POLR3B: variants seen among roughly 807,000 people sequenced by gnomAD.
POLR3B encodes the protein RNA polymerase III subunit B.
Under a neutral mutation model 147.4 loss-of-function variants are expected in POLR3B, and 96 were observed. The ratio of observed to expected loss-of-function variants is 0.65; its 90% CI spans 0.55 to 0.77. The LOEUF is 0.77. POLR3B is among the 30% of genes least tolerant of loss of function. The pLI, the probability that POLR3B is intolerant of heterozygous loss-of-function variation, is 0.00. For synonymous variants in POLR3B, 461 were observed against 485.9 expected (o/e 0.95, Z 0.67); for missense variants, 1,036 against 1,413.5 (o/e 0.73, Z 4.28).
intron 27 of POLR3B, among the ~76,000 whole-genome samples, chr12:106,508,127 CAT>C (rs1346901865): frequency 6.6e-6 from 1 of 152,176 alleles, no homozygotes; most frequent in African/African-American, 2.4e-5. Context: ...ATACACCTTC[CAT>C]TTCAATAAAT....
chr12:106,395,717 G>T (rs754498383), intron 10 of POLR3B, among the ~76,000 whole-genome samples: 24 of 152,102 alleles, frequency 1.6e-4, no homozygotes, highest in Non-Finnish European at 7.4e-5. Context: ...GGTGGCTTAT[G>T]CCTGTAATCC....
intron 20 of POLR3B, 122 bp downstream of exon 20, chr12:106,454,833 A>G (rs752650563): frequency 1.4e-6 from 1 of 691,444 alleles, no homozygotes; most frequent in Non-Finnish European, 2.6e-6. Context: ...ATGATATAGA[A>G]ACAGGAGGTG....
chr12:106,433,305 G>A (rs1486465958), intron 15 of POLR3B, among the ~76,000 whole-genome samples: 1 of 152,190 alleles, frequency 6.6e-6, no homozygotes. Flanking sequence ...TTTCACAAAT[G>A]TTGATTACAA....
Position 106,495,839 on chromosome 12 carries a change from G to A in POLR3B, c.2714-216G>A, listed in dbSNP as rs550861757. The A allele has an allele frequency of 7.6e-6, 5 of 660,206 alleles. No individual in the cohort carries two copies. In the South Asian group the frequency reaches 8.5e-5, roughly 11 times the overall value. The allele number at this position is 660,206 out of a possible 1,614,324, so 40.9% of individuals were successfully genotyped here. A position where few individuals can be genotyped will look rare whatever the true frequency, so the allele number is the denominator to read the frequency against. ...CATTGTGTGCTATGCCGGCAGCACA[G>A]TCCACAGGCTGCAGTGCCTTTCGCA... On this transcript the variant is annotated intron_variant, in intron 23 of 27. Coordinates refer to ENST00000228347, the MANE Select transcript of POLR3B (RefSeq NM_018082.6).
At chr12:106,460,110 A>G (rs190591569) in intron 22 of POLR3B, among the ~76,000 whole-genome samples, 172 of 152,258 alleles carry the variant, frequency 1.1e-3, no homozygotes, top group Middle Eastern at 3.4e-3. Context: ...AATGTATTCA[A>G]TACACAGTAG....
intron 23 of POLR3B, among the ~76,000 whole-genome samples, chr12:106,485,038 G>A (rs989958503): frequency 6.6e-6 from 1 of 152,178 alleles, no homozygotes; most frequent in Non-Finnish European, 1.5e-5. Flanking sequence ...ACCGTTGGAT[G>A]GTGGGTGTCT....
Position 106,430,210 on chromosome 12 carries a change from G to A in POLR3B, c.1264-63G>A, listed in dbSNP as rs1374453379. The stretch of plus-strand genomic sequence containing the variant: ...CTGTAATGAACTTCTTGGAGTGACC[G>A]CACGGTATCAGACAACATAGGATTG... On this transcript the variant is annotated intron_variant, in intron 13 of 27. Transcript: ENST00000228347. 49 of 1,265,104 alleles carry A rather than the reference G, an allele frequency of 3.9e-5. No individual in the cohort carries two copies. In the East Asian group the frequency reaches 5.8e-4, roughly 15 times the overall value. The allele number at this position is 1,265,104 out of a possible 1,614,324, so 78.4% of individuals were successfully genotyped here.
In POLR3B at chr12:106,463,492, C is replaced by G; in HGVS notation, c.2585C>G (p.Thr862Arg). 1 of 1,613,468 alleles carries G rather than the reference C, an allele frequency of 6.2e-7. No individual in the cohort carries two copies. Among genetic ancestry groups the G allele is most frequent in the Non-Finnish European group, 8.5e-7 (1 of 1,179,520 alleles). Residue 862 changes from threonine to arginine, a missense_variant, in exon 23 of 28, where the codon ACA becomes AGA. Thr to Arg is a moderately conservative substitution (Grantham distance 71). This residue lies in a region of POLR3B where 202 missense variants were observed against 272.8 expected (regional missense o/e 0.74). Coordinates refer to ENST00000228347, the MANE Select transcript of POLR3B (RefSeq NM_018082.6). ...KDVPITYKGA[T>R]DSYIEKVMIS... ...CTTAACACCAGCTACAAAGGAGCAACAGACTCATATATTGAAAAAGTGATG... is the reference window on the plus strand; with the variant it reads ...CTTAACACCAGCTACAAAGGAGCAAGAGACTCATATATTGAAAAAGTGATG...
chr12:106,490,702 A>G (rs11113013), intron 23 of POLR3B, among the ~76,000 whole-genome samples: 37,557 of 152,028 alleles, frequency 0.25, 5,163 homozygotes, highest in African/African-American at 0.36. Flanking sequence ...GGAAAAGGGG[A>G]GGGGAAGAAC....
At chr12:106,399,000 T>G (rs2037021114) in intron 10 of POLR3B, among the ~76,000 whole-genome samples, 2 of 152,062 alleles carry the variant, frequency 1.3e-5, no homozygotes, top group Non-Finnish European at 2.9e-5. Context: ...TTTGACGAGT[T>G]GAGAAAAGAA....
At chr12:106,382,900 A>G (rs1217662645) in intron 9 of POLR3B, among the ~76,000 whole-genome samples, 1 of 152,218 alleles carries the variant, frequency 6.6e-6, no homozygotes, top group East Asian at 1.9e-4. Context: ...CCAGCTGTCA[A>G]AGTCCTAGAT....
chr12:106,475,816 A>C (rs1246112115), intron 23 of POLR3B, among the ~76,000 whole-genome samples: 41 of 150,090 alleles, frequency 2.7e-4, no homozygotes, highest in African/African-American at 9.9e-4. Context: ...TTGACTCTTT[A>C]TCCAACTTGC....
intron 27 of POLR3B, among the ~76,000 whole-genome samples, chr12:106,507,133 C>G (rs11835700): frequency 0.028 from 4,187 of 152,178 alleles, 196 homozygotes; most frequent in African/African-American, 0.096. Flanking sequence ...AGAAGAAAAT[C>G]CCTATTAAGG....
At chr12:106,499,677 C>T (rs898077676) in intron 25 of POLR3B, among the ~76,000 whole-genome samples, 32 of 152,136 alleles carry the variant, frequency 2.1e-4, no homozygotes, top group African/African-American at 6.8e-4. Context: ...TTGTTCTGAC[C>T]GCCTTCTTGT....
chr12:106,434,749 A>C (rs1369305338), intron 16 of POLR3B, among the ~76,000 whole-genome samples: 1 of 152,146 alleles, frequency 6.6e-6, no homozygotes, highest in Non-Finnish European at 1.5e-5. Flanking sequence ...AGTCTGTCAG[A>C]GCTGGGAGAG....
intron 23 of POLR3B, among the ~76,000 whole-genome samples, chr12:106,467,789 C>T (rs1265648703): frequency 6.6e-6 from 1 of 152,184 alleles, no homozygotes; most frequent in Non-Finnish European, 1.5e-5. Flanking sequence ...AGCCTTGCAT[C>T]TCAGGGATGA....
rs754306628 is a variant in POLR3B at position 106,496,198 on chromosome 12, G to A, written c.2817+40G>A. The A allele has an allele frequency of 3.4e-6, 4 of 1,183,036 alleles. No individual in the cohort carries two copies. The East Asian group carries it at 7.0e-5, about 21-fold the overall frequency. 73.3% of individuals were successfully genotyped at this position (1,183,036 alleles called of 1,614,324 possible). ...GGTTTTTCAGAGGCATTGCCTTTAAGGAAGAAGCAGGCAGTTAGTTTAGTT... is the reference window on the plus strand; with the variant it reads ...GGTTTTTCAGAGGCATTGCCTTTAAAGAAGAAGCAGGCAGTTAGTTTAGTT... On this transcript the variant is annotated intron_variant, in intron 24 of 27. Transcript: ENST00000228347.
At chr12:106,478,033 T>C (rs1243774219) in intron 23 of POLR3B, among the ~76,000 whole-genome samples, 1 of 148,450 alleles carries the variant, frequency 6.7e-6, no homozygotes, top group African/African-American at 2.5e-5. Context: ...GCATCCCCCA[T>C]TAGCTGGGAC....
At chr12:106,432,601 A>G in intron 15 of POLR3B, 121 bp downstream of exon 15, 3 of 840,466 alleles carry the variant, frequency 3.6e-6, no homozygotes, top group South Asian at 2.7e-5. Flanking sequence ...GTTGACCTTC[A>G]CTTAAAGGTA....
Sources: allele counts gnomAD v4.1 joint callset (sites outside exome capture counted in the v4.1 genomes callset), GRCh38; gene constraint gnomAD v4.1.1; regional missense constraint gnomAD v4.1.1; transcripts MANE v1.5; gene names NCBI Gene and HGNC (gene_info 2026-07-23, HGNC 2026-07-21).